ADGRL3: variants seen among roughly 807,000 people sequenced by gnomAD.
The protein encoded by ADGRL3 is calcium-independent alpha-latrotoxin receptor 3.
Under a neutral mutation model 153.5 loss-of-function variants are expected in ADGRL3, and 62 were observed. The observed-to-expected ratio is 0.40, with a 90% CI of 0.33 to 0.50. ADGRL3 has a LOEUF of 0.50. Among genes scored for constraint, ADGRL3 ranks in the 20% least tolerant of loss-of-function variants. ADGRL3 has a pLI of 0.47. For missense variants in ADGRL3, 1,641 were observed against 1,859.4 expected (o/e 0.88, Z 2.16); for synonymous variants, 710 against 672.5 (o/e 1.06, Z -0.86).
intron 4 of ADGRL3, among the ~76,000 whole-genome samples, chr4:61,559,535 CTAATAGTCAGTGCGTCTGACACA>C (rs1560840070): frequency 6.6e-6 from 1 of 152,108 alleles, no homozygotes; most frequent in African/African-American, 2.4e-5. Context: ...TCCTTGTGCA[CTAATAGTCAGTGCGTCTGACACA>C]TTGGCAGTAG....
intron 17 of ADGRL3, among the ~76,000 whole-genome samples, chr4:61,950,723 G>C (rs1214722266): frequency 6.6e-6 from 1 of 152,204 alleles, no homozygotes; most frequent in Non-Finnish European, 1.5e-5. Context: ...AAAGTTCATT[G>C]GCACTAGTAA....
intron 2 of ADGRL3, among the ~76,000 whole-genome samples, chr4:61,432,588 TTC>T (rs369209781): frequency 0.075 from 537 of 7,196 alleles, 47 homozygotes; most frequent in Middle Eastern, 0.42. Flanking sequence ...CTTTCTTTCT[TTC>T]TTTCTTTCTT....
At chr4:61,305,707 G>C (rs78475340) in intron 1 of ADGRL3, among the ~76,000 whole-genome samples, 1 of 152,040 alleles carries the variant, frequency 6.6e-6, no homozygotes, top group Non-Finnish European at 1.5e-5. Context: ...GAACTTGAGC[G>C]TCAAGCAGTT....
At chr4:61,932,241 G>A (rs2098820652) in intron 13 of ADGRL3, among the ~76,000 whole-genome samples, 1 of 151,992 alleles carries the variant, frequency 6.6e-6, no homozygotes. Context: ...GGCAAGAGTG[G>A]GCACCTTTGC....
chr4:62,008,942 G>A (rs2099171204), intron 21 of ADGRL3, among the ~76,000 whole-genome samples: 1 of 151,962 alleles, frequency 6.6e-6, no homozygotes, highest in South Asian at 2.1e-4. Flanking sequence ...ATACTTTTGT[G>A]TTACAGTTTC....
At chr4:61,489,034 T>A (rs946290265) in intron 2 of ADGRL3, among the ~76,000 whole-genome samples, 1 of 152,008 alleles carries the variant, frequency 6.6e-6, no homozygotes, top group African/African-American at 2.4e-5. Flanking sequence ...CTTTTAAATA[T>A]AAATCCTTCA....
rs1312110620 is a variant in ADGRL3, at chr4:61,948,081, G to A, written c.2629-19G>A. 1.3e-6 allele frequency: 2 copies of A among 1,589,400 alleles called. No homozygotes were observed. The highest frequency in any genetic ancestry group is 1.7e-6 in the Non-Finnish European group (2 of 1,165,186). Reference sequence around the variant, plus strand: ...TCATAAAGTAGTTGTTGATTTTATGGATTTTTTTTCCCCTGTAGCAGTCAG... The same window carrying A: ...TCATAAAGTAGTTGTTGATTTTATGAATTTTTTTTCCCCTGTAGCAGTCAG... On this transcript the variant is annotated intron_variant, in intron 16 of 26. Coordinates refer to ENST00000683033, the MANE Select transcript of ADGRL3 (RefSeq NM_001387552.1).
At chr4:62,064,105 A>G (rs1302873264) in intron 25 of ADGRL3, among the ~76,000 whole-genome samples, 1 of 152,120 alleles carries the variant, frequency 6.6e-6, no homozygotes, top group Non-Finnish European at 1.5e-5. Context: ...AAGCATTTCA[A>G]TCAACTCTGG....
At chr4:61,459,034 A>G (rs2097782547) in intron 2 of ADGRL3, among the ~76,000 whole-genome samples, 3 of 151,480 alleles carry the variant, frequency 2.0e-5, no homozygotes, top group Admixed American at 2.0e-4. Flanking sequence ...ATTAAACAGA[A>G]CCCCAACATT....
chr4:61,961,231 A>G (rs1168121719), intron 17 of ADGRL3, among the ~76,000 whole-genome samples: 2 of 152,162 alleles, frequency 1.3e-5, no homozygotes. Context: ...TGCTTAAAAA[A>G]AGATAGCTGC....
At chr4:61,995,687 T>G (rs577615502) in intron 19 of ADGRL3, among the ~76,000 whole-genome samples, 1 of 152,292 alleles carries the variant, frequency 6.6e-6, no homozygotes, top group African/African-American at 2.4e-5. Context: ...ATTAAGTGAT[T>G]AATAATTTAC....
chr4:61,414,542 T>C (rs756174066), intron 2 of ADGRL3, among the ~76,000 whole-genome samples: 16 of 152,150 alleles, frequency 1.1e-4, no homozygotes, highest in Non-Finnish European at 2.2e-4. Context: ...TCTAAATTAA[T>C]ATTTCCAACA....
intron 1 of ADGRL3, among the ~76,000 whole-genome samples, chr4:61,325,310 C>CA (rs200445587): frequency 0.016 from 2,443 of 151,640 alleles, 55 homozygotes; most frequent in African/African-American, 0.051. Flanking sequence ...GACTCAATTT[C>CA]AAAAAAACAA....
At chr4:61,909,877 A>G (rs867996031) in intron 12 of ADGRL3, 132 bp downstream of exon 12, 4 of 583,418 alleles carry the variant, frequency 6.9e-6, no homozygotes, top group African/African-American at 5.7e-5. Flanking sequence ...ATCATTATAA[A>G]GAGAATCAAC....
At chr4:61,619,965 T>C (rs979779617) in intron 5 of ADGRL3, among the ~76,000 whole-genome samples, 1 of 152,106 alleles carries the variant, frequency 6.6e-6, no homozygotes, top group African/African-American at 2.4e-5. Context: ...TGGGAGTTTT[T>C]GTAAGTAAAA....
At chr4:61,949,888 C>T (rs537291088) in intron 17 of ADGRL3, among the ~76,000 whole-genome samples, 43 of 152,124 alleles carry the variant, frequency 2.8e-4, no homozygotes, top group African/African-American at 8.7e-4. Flanking sequence ...ACACTTTATG[C>T]GAAAGTTAAA....
chr4:61,392,046 T>G lies in ADGRL3; in HGVS notation c.-174+8857T>G, dbSNP rs2096812942. Among the ~76,000 whole-genome samples the G allele has an allele frequency of 2.0e-5, 3 of 150,040 alleles. No individual in the cohort carries two copies. The South Asian group carries it at 6.4e-4, about 32-fold the overall frequency. ...GGCTAATTTTTTTTTTTTTTTTGTA[T>G]TTTTAGTAGAGATGGGGTTTTGCCG... On this transcript the variant is annotated intron_variant, in intron 2 of 26. Transcript: ENST00000683033.
At chr4:61,319,613 A>G (rs1481556726) in intron 1 of ADGRL3, among the ~76,000 whole-genome samples, 5 of 152,164 alleles carry the variant, frequency 3.3e-5, no homozygotes, top group Non-Finnish European at 7.4e-5. Context: ...TGTTTGCCAG[A>G]CTAATAAACT....
chr4:61,624,212 C>G (rs377558396), intron 5 of ADGRL3, among the ~76,000 whole-genome samples: 1 of 151,992 alleles, frequency 6.6e-6, no homozygotes, highest in African/African-American at 2.4e-5. Flanking sequence ...AAAATAAAAT[C>G]GATTTGCATT....
Sources: gnomAD v4.1 joint callset for allele counts (sites outside exome capture counted in the v4.1 genomes callset) on GRCh38, gnomAD v4.1.1 for gene constraint, MANE v1.5 for transcripts, NCBI Gene and HGNC (gene_info 2026-07-23, HGNC 2026-07-21) for gene names.